MYT1: variants seen among roughly 807,000 people sequenced by gnomAD.
MYT1 encodes myelin transcription factor I.
In MYT1, 23 loss-of-function variants were observed where a neutral mutation model predicts 123.0. The ratio of observed to expected loss-of-function variants is 0.19; its 90% CI spans 0.13 to 0.26. The LOEUF (loss-of-function observed/expected upper bound fraction) is 0.26. MYT1 is among the 10% of genes least tolerant of loss of function. The pLI, the probability that MYT1 is intolerant of heterozygous loss-of-function variation, is 1.00. For missense variants in MYT1, 1,125 were observed against 1,472.5 expected (o/e 0.76, Z 3.86); for synonymous variants, 518 against 575.3 (o/e 0.90, Z 1.43).
chr20:64,174,092 T>A (rs1218758213), intron 1 of MYT1, among the ~76,000 whole-genome samples: 39 of 3,888 alleles, frequency 0.01, no homozygotes, highest in Non-Finnish European at 0.013. Context: ...TCCTGTAGCA[T>A]CTTTCCTAGT....
At position 64,231,012 on chromosome 20, in the gene MYT1, C is replaced by G. The variant is rs932070166; in HGVS notation, c.2676-1152C>G. On this transcript the variant is annotated intron_variant, in intron 18 of 22. Coordinates refer to ENST00000328439, the MANE Select transcript of MYT1 (RefSeq NM_004535.3). This position sits in a 1 kb window ranked among gnomAD's most constrained non-coding sequence, Gnocchi z 6.4. ...GGCAGCGCAGCCCTGAGCCGCCTCT[C>G]ACCCCTACGGCGGGAGCCTCTGCCC... 5.3e-5 allele frequency among the ~76,000 whole-genome samples: 8 copies of G among 152,156 alleles called. No homozygotes were observed. Among genetic ancestry groups the G allele is most frequent in the African/African-American group, 1.7e-4 (7 of 41,446 alleles).
intron 1 of MYT1, among the ~76,000 whole-genome samples, chr20:64,170,868 TATATATATATATATATAGAGAG>T (rs1463382210): frequency 1.3e-4 from 8 of 59,624 alleles, no homozygotes; most frequent in African/African-American, 1.4e-4. Flanking sequence ...TATATATATA[TATATATATATATATATAGAGAG>T]AGAGAGAGAG....
Position 64,231,351 on chromosome 20 carries a change from AGAGGTCAT to A in MYT1, c.2676-811_2676-804del, listed in dbSNP as rs1293476508. Among the ~76,000 whole-genome samples, 2 of 152,190 alleles carry A rather than the reference AGAGGTCAT, an allele frequency of 1.3e-5. No individual in the cohort carries two copies. The highest frequency in any genetic ancestry group is 4.8e-5 in the African/African-American group (2 of 41,434). On this transcript the variant is annotated intron_variant, in intron 18 of 22. Coordinates refer to ENST00000328439, the MANE Select transcript of MYT1 (RefSeq NM_004535.3). This position sits in a 1 kb window ranked among gnomAD's most constrained non-coding sequence, Gnocchi z 6.4. ...TGAGGCAGTGGGGACAGACACTCAGAGAGGTCATGGGCCTGGGCCCTCTGCGCTGTCCT... is the reference window on the plus strand; with the variant it reads ...TGAGGCAGTGGGGACAGACACTCAGAGGGCCTGGGCCCTCTGCGCTGTCCT...
At chr20:64,205,150 C>T in intron 5 of MYT1, 53 bp downstream of exon 5, 1 of 1,581,674 alleles carries the variant, frequency 6.3e-7, no homozygotes, top group Non-Finnish European at 8.7e-7. Flanking sequence ...ATTTGGAGCC[C>T]CTGCCCACTC....
chr20:64,232,746 T>A lies in MYT1; in HGVS notation c.2897+361T>A. ...GACAACTTCTCAGGAAAAGTTTGTC[T>A]CCTACACCTTATGCCCTGTCCCTCC... On this transcript the variant is annotated intron_variant, in intron 19 of 22. Transcript: ENST00000328439. This position sits in a 1 kb window ranked among gnomAD's most constrained non-coding sequence, Gnocchi z 6.9. Among the ~76,000 whole-genome samples, 1 of 152,054 alleles carries A rather than the reference T, an allele frequency of 6.6e-6. No homozygotes were observed. The highest frequency in any genetic ancestry group is 2.4e-5 in the African/African-American group (1 of 41,458).
chr20:64,228,871 A>G (rs1270455650), intron 18 of MYT1, among the ~76,000 whole-genome samples: 1 of 152,200 alleles, frequency 6.6e-6, no homozygotes, highest in Non-Finnish European at 1.5e-5. Context: ...GCCCAGGGTT[A>G]GGGGCCGGCT....
At chr20:64,240,014 G>T in intron 22 of MYT1, 111 bp downstream of exon 22, 3 of 1,463,354 alleles carry the variant, frequency 2.1e-6, no homozygotes, top group Non-Finnish European at 2.8e-6. Flanking sequence ...TGCCCTAGGG[G>T]CCCTGTGCCC....
At chr20:64,204,338 C>T (rs1482599583) in intron 4 of MYT1, among the ~76,000 whole-genome samples, 1 of 152,188 alleles carries the variant, frequency 6.6e-6, no homozygotes, top group East Asian at 1.9e-4. Context: ...GTGAGAGATG[C>T]AGGAGGGTCA....
rs1054888409 is a variant in MYT1, at chr20:64,208,621, A to G, written c.1291+134A>G. ...GAAAAGCAGACAAAAGGACAAATAC[A>G]TGACACAGACTGTGGTCAGATACTG... On this transcript the variant is annotated intron_variant, in intron 7 of 22. Coordinates refer to ENST00000328439, the MANE Select transcript of MYT1 (RefSeq NM_004535.3). This position sits in a 1 kb window ranked among gnomAD's most constrained non-coding sequence, Gnocchi z 5.4. 1.6e-4 allele frequency: 225 copies of G among 1,389,974 alleles called. No homozygotes were observed. Among genetic ancestry groups the G allele is most frequent in the Non-Finnish European group, 2.0e-4 (207 of 1,053,688 alleles). 86.1% of individuals were successfully genotyped at this position (1,389,974 alleles called of 1,614,324 possible). A position where few individuals can be genotyped will look rare whatever the true frequency, so the allele number is the denominator to read the frequency against.
intron 4 of MYT1, among the ~76,000 whole-genome samples, chr20:64,200,763 C>T (rs1356216900): frequency 6.6e-6 from 1 of 152,162 alleles, no homozygotes; most frequent in Non-Finnish European, 1.5e-5. Flanking sequence ...TTCATCTAAC[C>T]AGAAGAGCTG....
intron 18 of MYT1, among the ~76,000 whole-genome samples, chr20:64,229,928 G>A (rs964447277): frequency 3.9e-5 from 6 of 152,056 alleles, no homozygotes; most frequent in African/African-American, 1.4e-4. Flanking sequence ...TTCTGGTCCT[G>A]GCCATGTTTC....
intron 18 of MYT1, among the ~76,000 whole-genome samples, chr20:64,229,138 T>G (rs1302044717): frequency 6.6e-6 from 1 of 152,246 alleles, no homozygotes; most frequent in African/African-American, 2.4e-5. Context: ...GCTTGTTTAT[T>G]TATTTAATTT....
At chr20:64,228,534 A>G (rs530807517) in intron 18 of MYT1, among the ~76,000 whole-genome samples, 5 of 152,268 alleles carry the variant, frequency 3.3e-5, no homozygotes, top group African/African-American at 1.2e-4. Flanking sequence ...CCTTGAGGAG[A>G]AAAGATTCTC....
chr20:64,184,949 G>A (rs1036391426), intron 1 of MYT1, among the ~76,000 whole-genome samples: 1 of 152,220 alleles, frequency 6.6e-6, no homozygotes, highest in African/African-American at 2.4e-5. Flanking sequence ...AGAAGGGGGT[G>A]AACAGACACG....
rs1983352857 is a variant in MYT1 at position 64,202,439 on chromosome 20, G to C, written c.86+2517G>C. On this transcript the variant is annotated intron_variant, in intron 4 of 22. Coordinates refer to ENST00000328439, the MANE Select transcript of MYT1 (RefSeq NM_004535.3). The surrounding 1 kb of genome is among the most constrained non-coding windows in gnomAD (Gnocchi z 5.0). ...CGAAGACTAGGGAAGGTTAGGGTTG[G>C]GGTTAGCATCTTTGAGACAGCGAGG... Among the ~76,000 whole-genome samples the C allele has an allele frequency of 6.6e-6, 1 of 152,168 alleles. No individual in the cohort carries two copies. The highest frequency in any genetic ancestry group is 2.4e-5 in the African/African-American group (1 of 41,426).
At chr20:64,201,875 CAG>C in intron 4 of MYT1, among the ~76,000 whole-genome samples, 1 of 148,588 alleles carries the variant, frequency 6.7e-6, no homozygotes, top group Non-Finnish European at 1.5e-5. Context: ...CTCACAGACA[CAG>C]AGTCACCTGT....
intron 1 of MYT1, among the ~76,000 whole-genome samples, chr20:64,183,811 T>G (rs1191046425): frequency 6.6e-6 from 1 of 152,178 alleles, no homozygotes; most frequent in Non-Finnish European, 1.5e-5. Context: ...TTCACCATAT[T>G]GATAGTGTTA....
intron 12 of MYT1, among the ~76,000 whole-genome samples, chr20:64,219,269 C>T (rs963379857): frequency 1.3e-5 from 2 of 152,256 alleles, no homozygotes; most frequent in Non-Finnish European, 2.9e-5. Flanking sequence ...GCTGCGAACA[C>T]AAGTTCCCAC....
rs548226655 is a variant in MYT1, at chr20:64,218,710, C to T, written c.1847-201C>T. 8 of 695,294 alleles carry T rather than the reference C, an allele frequency of 1.2e-5. No individual in the cohort carries two copies. Among genetic ancestry groups the T allele is most frequent in the South Asian group, 3.5e-5 (2 of 57,546 alleles). 43.1% of individuals were successfully genotyped at this position (695,294 alleles called of 1,614,324 possible). A position where few individuals can be genotyped will look rare whatever the true frequency, so the allele number is the denominator to read the frequency against. On this transcript the variant is annotated intron_variant, in intron 11 of 22. Transcript: ENST00000328439. The surrounding 1 kb of genome is among the most constrained non-coding windows in gnomAD (Gnocchi z 4.0). Reference sequence around the variant, plus strand: ...GGGTGGCCAAGCCCCTGGCCCACTTCGATATAGCTGTGCCCTGGGCCCTCC... The same window carrying T: ...GGGTGGCCAAGCCCCTGGCCCACTTTGATATAGCTGTGCCCTGGGCCCTCC...
Sources: gnomAD v4.1 joint callset for allele counts (sites outside exome capture counted in the v4.1 genomes callset) on GRCh38, gnomAD v4.1.1 for gene constraint, Gnocchi (gnomAD v3.1) non-coding constraint, MANE v1.5 for transcripts, NCBI Gene and HGNC (gene_info 2026-07-23, HGNC 2026-07-21) for gene names.